The following MYOZ3 variants were observed in gnomAD, a reference collection of about 807,000 sequenced individuals.
MYOZ3 encodes the protein myozenin 3.
MYOZ3 carries 19 observed loss-of-function variants against 26.5 expected under a neutral mutation model. That is an observed-to-expected ratio of 0.72 (90% confidence interval 0.50 to 1.05). MYOZ3 has a LOEUF of 1.05. Among genes scored for constraint, MYOZ3 ranks in the 50% least tolerant of loss-of-function variants. The pLI is 0.00. For synonymous variants in MYOZ3, 135 were observed against 138.8 expected (o/e 0.97, Z 0.19); for missense variants, 322 against 337.1 (o/e 0.96, Z 0.35).
chr5:150,666,630 A>AATATATATATATATATATATAT (rs1554113785), intron 2 of MYOZ3, among the ~76,000 whole-genome samples: 1 of 123,066 alleles, frequency 8.1e-6, no homozygotes, highest in African/African-American at 3.3e-5. Context: ...AAAAAAAAAA[A>AATATATATATATATATATATAT]ATATATATAT....
Position 150,671,848 on chromosome 5 carries a change from G to A in MYOZ3, c.364G>A (p.Gly122Ser). 6.2e-7 allele frequency: 1 copy of A among 1,606,456 alleles called. No homozygotes were observed. The change falls in exon 5 of 7, where the codon GGC (glycine) becomes AGC (serine). Residue 122 changes from glycine to serine, a missense_variant. By Grantham distance (56) the Gly-to-Ser change is moderately conservative. Coordinates refer to ENST00000517768, the MANE Select transcript of MYOZ3 (RefSeq NM_001122853.3). ...SPGASLGGPE[G>S]AHPAAAPAGC... ...CGGGGCCTCACTCGGGGGTCCCGAG[G>A]GCGCCCACCCTGCAGCCGCCCCTGC...
chr5:150,674,762 C>T (rs996902191), intron 6 of MYOZ3, among the ~76,000 whole-genome samples: 10 of 152,148 alleles, frequency 6.6e-5, no homozygotes, highest in Admixed American at 1.3e-4. Flanking sequence ...CCTGTAATCC[C>T]ACTTTGGGAG....
chr5:150,668,589 A>G (rs932457463), intron 2 of MYOZ3, among the ~76,000 whole-genome samples: 2 of 152,136 alleles, frequency 1.3e-5, no homozygotes, highest in Non-Finnish European at 2.9e-5. Context: ...TTAAAATACC[A>G]TTTATGGAGC....
chr5:150,666,309 T>G (rs912499322), intron 2 of MYOZ3, among the ~76,000 whole-genome samples: 1 of 151,998 alleles, frequency 6.6e-6, no homozygotes, highest in African/African-American at 2.4e-5. Flanking sequence ...AAACACATAC[T>G]TATTTTTTAA....
intron 1 of MYOZ3, among the ~76,000 whole-genome samples, chr5:150,662,003 G>A (rs1476987205): frequency 1.3e-5 from 2 of 152,222 alleles, no homozygotes; most frequent in African/African-American, 4.8e-5. Flanking sequence ...CGCAGTTACA[G>A]AGAAAGCCAG....
At chr5:150,669,582 C>CTT (rs141342611) in intron 2 of MYOZ3, among the ~76,000 whole-genome samples, 20,594 of 125,992 alleles carry the variant, frequency 0.16, 2,758 homozygotes, top group African/African-American at 0.4. Flanking sequence ...GTATTTTTCT[C>CTT]TTTTTTGTCT....
chr5:150,664,873 C>T (rs373627655), intron 2 of MYOZ3, among the ~76,000 whole-genome samples: 18 of 152,238 alleles, frequency 1.2e-4, no homozygotes, highest in East Asian at 1.2e-3. Context: ...CAGACATGAA[C>T]GGCTTTGAAA....
intron 2 of MYOZ3, among the ~76,000 whole-genome samples, chr5:150,665,048 A>G (rs1243945509): frequency 6.7e-6 from 1 of 149,044 alleles, no homozygotes; most frequent in Non-Finnish European, 1.5e-5. Context: ...GCAGCATTCC[A>G]TCCTAGTATG....
At chr5:150,668,228 C>T (rs1369976448) in intron 2 of MYOZ3, among the ~76,000 whole-genome samples, 1 of 152,184 alleles carries the variant, frequency 6.6e-6, no homozygotes, top group Non-Finnish European at 1.5e-5. Flanking sequence ...TTCTCTTGAA[C>T]CCTCTCCAGT....
At chr5:150,674,480 T>G (rs1042898211) in intron 6 of MYOZ3, among the ~76,000 whole-genome samples, 1 of 152,198 alleles carries the variant, frequency 6.6e-6, no homozygotes, top group Non-Finnish European at 1.5e-5. Context: ...GGGCTCCCAG[T>G]CAAGGGCCTG....
intron 6 of MYOZ3, 198 bp downstream of exon 6, chr5:150,672,700 G>C: frequency 1.7e-6 from 1 of 598,594 alleles, no homozygotes; most frequent in South Asian, 2.5e-5. Context: ...GAGAAATGAA[G>C]AGTGAAGGTG....
rs747108482 is a variant in MYOZ3, at chr5:150,671,631, G to T, written c.251G>T (p.Gly84Val). Reference protein sequence around the residue: ...LAGSARRKVTGTAESGTVANA... With the variant: ...LAGSARRKVTVTAESGTVANA... ...GGAAGCGCCAGGAGGAAGGTGACTG[G>T]AACAGCGGAGTCGGGGACGGTGAGC... Residue 84 changes from glycine (G) to valine (V), a missense_variant, in exon 4 of 7, where the codon GGA (glycine) becomes GTA (valine). By Grantham distance (109) the Gly-to-Val change is moderately radical. Transcript: ENST00000517768. The T allele has an allele frequency of 1.2e-6, 2 of 1,613,896 alleles. No homozygotes were observed. The highest frequency in any genetic ancestry group is 1.7e-6 in the Non-Finnish European group (2 of 1,179,916).
Position 150,671,586 on chromosome 5 carries a change from C to G in MYOZ3, c.217-11C>G. On this transcript the variant is annotated splice_polypyrimidine_tract_variant and intron_variant, in intron 3 of 6. Coordinates refer to ENST00000517768, the MANE Select transcript of MYOZ3 (RefSeq NM_001122853.3). Reference sequence around the variant, plus strand: ...GCTTCTCTGCGGTTTATTCTACCCCCTCGTTCCCAGATGCTGGCCGGAAGC... The same window carrying G: ...GCTTCTCTGCGGTTTATTCTACCCCGTCGTTCCCAGATGCTGGCCGGAAGC... 1 of 1,613,868 alleles carries G rather than the reference C, an allele frequency of 6.2e-7. No individual in the cohort carries two copies. Among genetic ancestry groups the G allele is most frequent in the Non-Finnish European group, 8.5e-7 (1 of 1,179,862 alleles).
intron 2 of MYOZ3, chr5:150,670,201 G>T: frequency 3.6e-6 from 1 of 281,468 alleles, no homozygotes; most frequent in Non-Finnish European, 6.6e-6. Flanking sequence ...CACCATTATG[G>T]GCAAAGACCT....
At position 150,677,111 on chromosome 5, in the gene MYOZ3, C is replaced by T. The variant is rs1759023572; in HGVS notation, c.*236C>T. 4.3e-6 allele frequency: 2 copies of T among 465,996 alleles called. No homozygotes were observed. The highest frequency in any genetic ancestry group is 7.0e-5 in the South Asian group (2 of 28,768). The allele number at this position is 465,996 out of a possible 1,614,324, so 28.9% of individuals were successfully genotyped here. A position where few individuals can be genotyped will look rare whatever the true frequency, so the allele number is the denominator to read the frequency against. On this transcript the variant is annotated 3_prime_UTR_variant, in exon 7 of 7. Coordinates refer to ENST00000517768, the MANE Select transcript of MYOZ3 (RefSeq NM_001122853.3). ...TGTCCCAGACTTGCAGCATCAGAGT[C>T]TCCTGAGTCGAGGAATCTGTATTAT...
rs148103420 is a variant in MYOZ3 at position 150,670,529 on chromosome 5, T to C, written c.107T>C (p.Leu36Pro). The C allele has an allele frequency of 8.5e-5, 137 of 1,613,046 alleles. No individual in the cohort carries two copies. The highest frequency in any genetic ancestry group is 1.1e-4 in the Non-Finnish European group (128 of 1,179,680). The change falls in exon 3 of 7, where the codon CTG (leucine) becomes CCG (proline). Residue 36 changes from leucine (L) to proline (P), a missense_variant. Leu to Pro is a moderately conservative substitution (Grantham distance 98). Transcript: ENST00000517768. ...AAGAAGCTGAGCGTGCCCCAGGACC[T>C]GATGATGGAGGAGCTGTCACTACGC... ...LGKKLSVPQD[L>P]MMEELSLRNN... is the part of the protein sequence containing the mutation.
chr5:150,672,089 A>G (rs1484594526), intron 5 of MYOZ3, 181 bp downstream of exon 5: 11 of 1,125,438 alleles, frequency 9.8e-6, no homozygotes, highest in Admixed American at 2.0e-5. Flanking sequence ...CAGGTCACAC[A>G]GCGAGTCAGC....
At chr5:150,663,408 T>G (rs770778734) in intron 2 of MYOZ3, among the ~76,000 whole-genome samples, 26 of 152,070 alleles carry the variant, frequency 1.7e-4, no homozygotes, top group Non-Finnish European at 3.1e-4. Context: ...GGCCTCTGGG[T>G]GGCCCAGGAT....
chr5:150,666,485 A>C (rs2151444822), intron 2 of MYOZ3, among the ~76,000 whole-genome samples: 1 of 151,706 alleles, frequency 6.6e-6, no homozygotes. Flanking sequence ...GTGGTGGCTC[A>C]TGCCCATAGT....
Sources: gnomAD v4.1 joint callset for allele counts (sites outside exome capture counted in the v4.1 genomes callset) on GRCh38, gnomAD v4.1.1 for gene constraint, MANE v1.5 for transcripts, NCBI Gene and HGNC (gene_info 2026-07-23, HGNC 2026-07-21) for gene names.